The following SLC8A1 variants were observed in gnomAD, a reference collection of about 807,000 sequenced individuals.
The protein encoded by SLC8A1 is sodium/calcium exchanger 1.
Under a neutral mutation model 68.3 loss-of-function variants are expected in SLC8A1, and 18 were observed. The observed-to-expected ratio is 0.26, with a 90% CI of 0.18 to 0.39. The LOEUF (loss-of-function observed/expected upper bound fraction) is 0.39. Ranked by LOEUF, SLC8A1 falls within the 10% of genes least tolerant of loss-of-function variation. SLC8A1 has a pLI of 1.00. For synonymous variants in SLC8A1, 475 were observed against 415.5 expected (o/e 1.14, Z -1.74); for missense variants, 985 against 1,156.7 (o/e 0.85, Z 2.15).
chr2:40,433,246 T>A (rs1282796184), intron 1 of SLC8A1, among the ~76,000 whole-genome samples: 1 of 152,150 alleles, frequency 6.6e-6, no homozygotes, highest in East Asian at 1.9e-4. Flanking sequence ...TAAGACCTTT[T>A]ATGATCTGGC....
intron 1 of SLC8A1, among the ~76,000 whole-genome samples, chr2:40,506,440 G>T (rs1213378129): frequency 6.6e-6 from 1 of 151,954 alleles, no homozygotes; most frequent in East Asian, 1.9e-4. Context: ...CACATTTGTT[G>T]AACATAAGCT....
chr2:40,105,276 C>A (rs1355517003), exon 8 of SLC8A1: 1 of 152,182 alleles, frequency 6.6e-6, no homozygotes, highest in African/African-American at 2.4e-5. Flanking sequence ...CCAGCAGCCT[C>A]TGCAGAATCA....
intron 2 of SLC8A1, among the ~76,000 whole-genome samples, chr2:40,389,275 G>A (rs1333304419): frequency 1.3e-5 from 2 of 151,854 alleles, no homozygotes; most frequent in African/African-American, 4.8e-5. Context: ...ATAATGTTGT[G>A]AATCCCTAAT....
At position 40,143,535 on chromosome 2, in the gene SLC8A1, A is replaced by G. The variant is rs1184270286; in HGVS notation, c.2162-3859T>C. 2.6e-5 allele frequency among the ~76,000 whole-genome samples: 4 copies of G among 152,316 alleles called. No individual in the cohort carries two copies. In the South Asian group the frequency reaches 6.2e-4, roughly 24 times the overall value. On this transcript the variant is annotated intron_variant, in intron 6 of 7. Coordinates refer to ENST00000406785, the Ensembl canonical transcript of SLC8A1. ...CATTCTTTTCAGCTAATGGAAAATA[A>G]CCTGTATTTGATTAACCCTTCCTAT...
chr2:40,370,094 G>A (rs1216450655), intron 2 of SLC8A1, among the ~76,000 whole-genome samples: 1 of 152,080 alleles, frequency 6.6e-6, no homozygotes, highest in Non-Finnish European at 1.5e-5. Flanking sequence ...AGCTTCACAT[G>A]TGTAAATTCT....
chr2:40,321,855 C>A (rs981602890), intron 2 of SLC8A1, among the ~76,000 whole-genome samples: 1 of 152,086 alleles, frequency 6.6e-6, no homozygotes, highest in Non-Finnish European at 1.5e-5. Flanking sequence ...ATCCATGTAA[C>A]AAATCACCTG....
chr2:40,301,200 G>C (rs748791887), intron 2 of SLC8A1, among the ~76,000 whole-genome samples: 4 of 152,142 alleles, frequency 2.6e-5, no homozygotes, highest in Non-Finnish European at 5.9e-5. Flanking sequence ...CTGAGAATTT[G>C]CTAAGTGCTC....
chr2:40,219,091 G>T (rs1460172813), intron 2 of SLC8A1, among the ~76,000 whole-genome samples: 2 of 152,174 alleles, frequency 1.3e-5, no homozygotes, highest in East Asian at 1.9e-4. Context: ...AGTTAAGCAG[G>T]GAAGACTACA....
intron 1 of SLC8A1, among the ~76,000 whole-genome samples, chr2:40,484,875 A>G (rs1487138118): frequency 6.6e-6 from 1 of 152,218 alleles, no homozygotes; most frequent in African/African-American, 2.4e-5. Context: ...CAGCAGAAGG[A>G]TGCTGGAGGT....
intron 2 of SLC8A1, among the ~76,000 whole-genome samples, chr2:40,399,308 C>A (rs1465829269): frequency 6.6e-6 from 1 of 151,376 alleles, no homozygotes; most frequent in Non-Finnish European, 1.5e-5. Context: ...CCTCCTCTAC[C>A]CCTCGTCTCC....
chr2:40,459,143 A>G (rs999671999), intron 1 of SLC8A1, among the ~76,000 whole-genome samples: 3 of 152,202 alleles, frequency 2.0e-5, no homozygotes, highest in African/African-American at 7.2e-5. Flanking sequence ...CATTCTAGTG[A>G]AAAAATGACA....
chr2:40,153,649 A>AT (rs1028955570), intron 6 of SLC8A1, among the ~76,000 whole-genome samples: 4 of 152,204 alleles, frequency 2.6e-5, no homozygotes, highest in African/African-American at 9.6e-5. Context: ...TAGATAACTA[A>AT]TAATATCACA....
chr2:40,175,451 A>G (rs1056313909), intron 3 of SLC8A1, among the ~76,000 whole-genome samples, 170 bp from the exon 4 acceptor site: 7 of 152,186 alleles, frequency 4.6e-5, no homozygotes, highest in Non-Finnish European at 1.0e-4. Context: ...ATATTTCTGA[A>G]TAAACAATCC....
At chr2:40,392,433 G>T (rs1203515869) in intron 2 of SLC8A1, among the ~76,000 whole-genome samples, 1 of 152,018 alleles carries the variant, frequency 6.6e-6, no homozygotes, top group Non-Finnish European at 1.5e-5. Context: ...GAAATATCTT[G>T]GGAAGTTTAG....
intron 1 of SLC8A1, among the ~76,000 whole-genome samples, chr2:40,477,803 G>C (rs1704385437): frequency 6.6e-6 from 1 of 152,094 alleles, no homozygotes; most frequent in African/African-American, 2.4e-5. Flanking sequence ...GGGAATGAAT[G>C]CAAAGACATT....
chr2:40,346,692 A>T (rs1482691263), intron 2 of SLC8A1, among the ~76,000 whole-genome samples: 1 of 152,190 alleles, frequency 6.6e-6, no homozygotes, highest in Admixed American at 6.5e-5. Flanking sequence ...TCTGAGTGCC[A>T]AACAGAGAAG....
intron 1 of SLC8A1, among the ~76,000 whole-genome samples, chr2:40,495,767 C>G (rs1025613121): frequency 2.0e-5 from 3 of 151,996 alleles, no homozygotes; most frequent in Admixed American, 1.3e-4. Context: ...AGGATTGGAA[C>G]TTGTAGCCAG....
At chr2:40,486,834 T>C (rs913526502) in intron 1 of SLC8A1, among the ~76,000 whole-genome samples, 7 of 150,804 alleles carry the variant, frequency 4.6e-5, no homozygotes, top group Admixed American at 4.0e-4. Flanking sequence ...TAACTCGTCA[T>C]TTACATTAGG....
chr2:40,451,087 G>GT (rs1702389992), intron 1 of SLC8A1, among the ~76,000 whole-genome samples: 1 of 152,220 alleles, frequency 6.6e-6, no homozygotes, highest in Non-Finnish European at 1.5e-5. Context: ...TTGGCCGGCT[G>GT]TCCAGCTATA....
Sources: gnomAD v4.1 joint callset for allele counts (sites outside exome capture counted in the v4.1 genomes callset) on GRCh38, gnomAD v4.1.1 for gene constraint, MANE v1.5 for transcripts, NCBI Gene and HGNC (gene_info 2026-07-23, HGNC 2026-07-21) for gene names.